The following PRSS23 variants were observed in gnomAD, a reference collection of about 807,000 sequenced individuals.
The protein encoded by PRSS23 is serine protease 23.
In PRSS23, 25 loss-of-function variants were observed where a neutral mutation model predicts 34.7. The ratio of observed to expected loss-of-function variants is 0.72; its 90% CI spans 0.53 to 1.01. The LOEUF (loss-of-function observed/expected upper bound fraction) is 1.01, where lower values mean the gene tolerates loss of function less well. PRSS23 is among the 50% of genes least tolerant of loss of function. The pLI, the probability that PRSS23 is intolerant of heterozygous loss-of-function variation, is 0.00. For missense variants in PRSS23, 445 were observed against 475.6 expected, an observed-to-expected ratio of 0.94 and a Z score of 0.60; for synonymous variants, 176 against 186.6, an observed-to-expected ratio of 0.94 and a Z score of 0.46.
chr11:86,851,020 G>A (rs533041208), intron 2 of PRSS23, among the ~76,000 whole-genome samples: 1 of 152,224 alleles, frequency 6.6e-6, no homozygotes, highest in Non-Finnish European at 1.5e-5. Context: ...CAATTCTTTG[G>A]CGTGGCTAGG....
chr11:86,846,708 G>T (rs1213935260), intron 2 of PRSS23, among the ~76,000 whole-genome samples: 5 of 152,288 alleles, frequency 3.3e-5, no homozygotes, highest in African/African-American at 4.8e-5. Context: ...TGTAAGCAAG[G>T]TTATTCCCAC....
intron 2 of PRSS23, among the ~76,000 whole-genome samples, chr11:86,882,655 A>G (rs920654369): frequency 4.6e-5 from 7 of 152,308 alleles, no homozygotes; most frequent in East Asian, 3.9e-4. Context: ...TAGTGCTGCA[A>G]TGAACATACA....
intron 2 of PRSS23, among the ~76,000 whole-genome samples, chr11:86,916,713 TC>T (rs1262257315): frequency 7.9e-5 from 12 of 152,146 alleles, no homozygotes; most frequent in Admixed American, 7.9e-4. Flanking sequence ...TCCACACTGT[TC>T]CAACAGACCA....
chr11:86,857,557 GA>G, intron 2 of PRSS23: 6 of 475,800 alleles, frequency 1.3e-5, no homozygotes, highest in Admixed American at 2.3e-5. Flanking sequence ...ACAGGCTAAG[GA>G]AAAAGGACAC....
intron 2 of PRSS23, among the ~76,000 whole-genome samples, chr11:86,850,358 G>T (rs1484959704): frequency 6.6e-6 from 1 of 152,136 alleles, no homozygotes; most frequent in Non-Finnish European, 1.5e-5. Flanking sequence ...GCAGGAAGTA[G>T]CTAGAAGAAC....
At chr11:86,865,037 G>A (rs1948640897) in intron 2 of PRSS23, among the ~76,000 whole-genome samples, 1 of 152,122 alleles carries the variant, frequency 6.6e-6, no homozygotes, top group African/African-American at 2.4e-5. Flanking sequence ...CTTTTTCCAG[G>A]TAAGGTAAAA....
Position 86,873,565 on chromosome 11 carries a change from G to A in PRSS23, c.206+49972G>A, listed in dbSNP as rs1002630122. Among the ~76,000 whole-genome samples, 8 of 151,988 alleles carry A rather than the reference G, an allele frequency of 5.3e-5. No individual in the cohort carries two copies. In the East Asian group the frequency reaches 1.5e-3, roughly 29 times the overall value. On this transcript the variant is annotated intron_variant, in intron 2 of 2. Coordinates refer to the PRSS23 transcript ENST00000533902. ...CCCAAAGTGTTGGGATTGTAGGCAT[G>A]AGCCACCGTGCCCAGCCTATATTCT...
intron 2 of PRSS23, among the ~76,000 whole-genome samples, chr11:86,906,246 G>T (rs975462442): frequency 1.3e-5 from 2 of 152,230 alleles, no homozygotes; most frequent in African/African-American, 4.8e-5. Flanking sequence ...GGGTTCCCGG[G>T]CCTTCTCCAC....
intron 2 of PRSS23, among the ~76,000 whole-genome samples, chr11:86,823,754 C>A (rs955175526): frequency 1.3e-5 from 2 of 152,084 alleles, no homozygotes; most frequent in Admixed American, 1.3e-4. Context: ...CGCCTGTAAT[C>A]CCAGCATTTT....
At chr11:86,906,355 C>T (rs1228991503) in intron 2 of PRSS23, among the ~76,000 whole-genome samples, 1 of 141,722 alleles carries the variant, frequency 7.1e-6, no homozygotes, top group Non-Finnish European at 1.6e-5. Context: ...ACCAGCGCCA[C>T]CCTCAGCTCT....
chr11:86,951,322 C>G, exon 3 of PRSS23: 2 of 1,614,078 alleles, frequency 1.2e-6, no homozygotes, highest in South Asian at 2.2e-5. Flanking sequence ...AAATTTTCAA[C>G]ATTTCAACAG....
intron 2 of PRSS23, among the ~76,000 whole-genome samples, chr11:86,870,185 A>G (rs2134945944): frequency 6.6e-6 from 1 of 152,222 alleles, no homozygotes; most frequent in African/African-American, 2.4e-5. Context: ...CTAGCATCCC[A>G]GGCCCTCTGA....
intron 2 of PRSS23, among the ~76,000 whole-genome samples, chr11:86,854,300 G>A (rs539480820): frequency 2.6e-5 from 4 of 152,182 alleles, no homozygotes; most frequent in Non-Finnish European, 5.9e-5. Context: ...GCACCTGGCC[G>A]CTATATCTTC....
chr11:86,907,931 C>T (rs1948954748), intron 2 of PRSS23, among the ~76,000 whole-genome samples: 1 of 152,206 alleles, frequency 6.6e-6, no homozygotes, highest in Non-Finnish European at 1.5e-5. Flanking sequence ...TCTGCTCCTA[C>T]AAGTTTGACT....
intron 2 of PRSS23, among the ~76,000 whole-genome samples, chr11:86,916,419 T>G (rs1364600859): frequency 1.3e-5 from 2 of 152,142 alleles, no homozygotes; most frequent in Admixed American, 6.5e-5. Context: ...GCTTTACCCC[T>G]GGGAAAATGG....
chr11:86,826,616 A>G (rs1012538908), intron 2 of PRSS23, among the ~76,000 whole-genome samples: 3 of 152,144 alleles, frequency 2.0e-5, no homozygotes, highest in Non-Finnish European at 4.4e-5. Context: ...TCAGTATGAT[A>G]TTGGCTGTGG....
At chr11:86,833,337 C>A in intron 2 of PRSS23, 2 of 1,027,552 alleles carry the variant, frequency 1.9e-6, no homozygotes, top group Non-Finnish European at 1.5e-6. Flanking sequence ...TGAGCAGATT[C>A]TCCAGCACCA....
intron 2 of PRSS23, among the ~76,000 whole-genome samples, chr11:86,843,729 C>A (rs915289336): frequency 2.6e-5 from 4 of 152,150 alleles, no homozygotes; most frequent in African/African-American, 9.7e-5. Context: ...TCATTTTACA[C>A]CAGTTAGAAT....
At position 86,810,036 on chromosome 11, in the gene PRSS23, T is replaced by G. The variant is rs1948159982; in HGVS notation, c.*1241T>G. 1 of 166,794 alleles carries G rather than the reference T, an allele frequency of 6.0e-6. No individual in the cohort carries two copies. Among genetic ancestry groups the G allele is most frequent in the African/African-American group, 2.4e-5 (1 of 41,442 alleles). 10.3% of individuals were successfully genotyped at this position (166,794 alleles called of 1,614,324 possible). ...ATGCTCTAGGTTATAGATAAACAAT[T>G]AGGTATAATAGCAAAAATGAAAATT... On this transcript the variant is annotated 3_prime_UTR_variant, in exon 2 of 2. Coordinates refer to ENST00000280258, the MANE Select transcript of PRSS23 (RefSeq NM_007173.6).
Sources: allele counts gnomAD v4.1 joint callset (sites outside exome capture counted in the v4.1 genomes callset), GRCh38; gene constraint gnomAD v4.1.1; transcripts MANE v1.5; gene names NCBI Gene and HGNC (gene_info 2026-07-23, HGNC 2026-07-21).